The following CEPT1 variants were observed in gnomAD, a reference collection of about 807,000 sequenced individuals.
CEPT1 encodes the protein choline/ethanolaminephosphotransferase 1.
CEPT1 carries 7 observed loss-of-function variants against 42.6 expected under a neutral mutation model. That is an observed-to-expected ratio of 0.16 (90% confidence interval 0.09 to 0.31). The LOEUF is 0.31. Among genes scored for constraint, CEPT1 ranks in the 10% least tolerant of loss-of-function variants. CEPT1 has a pLI of 1.00. For synonymous variants in CEPT1, 171 were observed against 171.9 expected (o/e 0.99, Z 0.04); for missense variants, 306 against 502.1 (o/e 0.61, Z 3.73).
At chr1:111,176,121 A>C (rs182210991) in intron 5 of CEPT1, among the ~76,000 whole-genome samples, 147 of 152,230 alleles carry the variant, frequency 9.7e-4, no homozygotes, top group African/African-American at 3.4e-3. Context: ...GTGAAGGGGG[A>C]GGAGATGAAG....
At chr1:111,140,185 G>C (rs1301947084), upstream of CEPT1, 1 of 152,258 alleles carries the variant, frequency 6.6e-6, no homozygotes, top group Non-Finnish European at 1.5e-5. Context: ...GGCGCTGCTC[G>C]TTCAAACCTT....
intron 4 of CEPT1, among the ~76,000 whole-genome samples, chr1:111,162,912 G>C (rs958157575): frequency 1.3e-5 from 2 of 152,276 alleles, no homozygotes; most frequent in Non-Finnish European, 2.9e-5. Context: ...AGAAGCATTG[G>C]TTAGAGGAGA....
At chr1:111,167,133 A>T (rs1656182756) in intron 4 of CEPT1, 1 of 985,326 alleles carries the variant, frequency 1.0e-6, no homozygotes, top group Non-Finnish European at 1.2e-6. Context: ...CCCAGATCAT[A>T]ATTATAATAT....
chr1:111,182,548 G>GT, intron 6 of CEPT1: 1 of 569,922 alleles, frequency 1.8e-6, no homozygotes, highest in Non-Finnish European at 3.0e-6. Flanking sequence ...TTATTCACAT[G>GT]TTTTTTAAAG....
chr1:111,149,763 C>T (rs1655173425), intron 2 of CEPT1, among the ~76,000 whole-genome samples: 2 of 152,168 alleles, frequency 1.3e-5, no homozygotes, highest in Admixed American at 6.5e-5. Flanking sequence ...AGTAGAACAA[C>T]AGGGAGGTGG....
At chr1:111,178,095 T>C (rs1656778010) in intron 5 of CEPT1, 1 of 152,228 alleles carries the variant, frequency 6.6e-6, no homozygotes, top group Admixed American at 6.5e-5. Flanking sequence ...ATTCTGTTAA[T>C]ACAGGAACAA....
chr1:111,140,514 C>G (rs1042939661), intron 1 of CEPT1: 1 of 151,902 alleles, frequency 6.6e-6, no homozygotes, highest in Non-Finnish European at 1.5e-5. Context: ...CCCCCTTGCC[C>G]CTCTGTGGAG....
rs1657134963 is a variant in CEPT1, at chr1:111,184,131, ACTTTCAGGAAG to A, written c.1132-56_1132-46del. Reference sequence around the variant, plus strand: ...GAGAGAACAGAGTCCAGTCCTCTTTACTTTCAGGAAGCTTAGGGAGAGCCTAAACGGGTGCT... The same window carrying A: ...GAGAGAACAGAGTCCAGTCCTCTTTACTTAGGGAGAGCCTAAACGGGTGCT... On this transcript the variant is annotated intron_variant, in intron 8 of 8. Transcript: ENST00000357172. The A allele has an allele frequency of 8.9e-6, 14 of 1,575,026 alleles. 1 individual carries two copies. The South Asian group carries it at 1.4e-4, about 16-fold the overall frequency.
intron 1 of CEPT1, among the ~76,000 whole-genome samples, chr1:111,145,788 C>G (rs958342251): frequency 1.3e-5 from 2 of 152,248 alleles, no homozygotes; most frequent in Admixed American, 1.3e-4. Flanking sequence ...ACAGCTGCCT[C>G]TGGGCCTTGG....
At position 111,184,264 on chromosome 1, in the gene CEPT1, A is replaced by G. The variant is rs552998746; in HGVS notation, c.1205A>G (p.His402Arg). 15 of 1,613,134 alleles carry G rather than the reference A, an allele frequency of 9.3e-6. No individual in the cohort carries two copies. The African/African-American group carries it at 1.7e-4, about 19-fold the overall frequency. ...CAGATTGCGTCTCACCTGCACATAC[A>G]TGTCTTCAGAATCAAGGTCTCTACA... ...CNQIASHLHI[H>R]VFRIKVSTAH... Residue 402 changes from histidine (H) to arginine (R), a missense_variant, in exon 9 of 9, where the codon CAT becomes CGT. By Grantham distance (29) the His-to-Arg change is conservative. Around this residue, in one of 2 missense-constraint regions of CEPT1, gnomAD observed 253 missense variants for 447.3 expected, o/e 0.57. Transcript: ENST00000357172.
intron 5 of CEPT1, among the ~76,000 whole-genome samples, chr1:111,175,363 T>C (rs1208647959): frequency 6.6e-6 from 1 of 152,240 alleles, no homozygotes; most frequent in Non-Finnish European, 1.5e-5. Flanking sequence ...AAGTTAACTC[T>C]GGTTCCAAAA....
intron 2 of CEPT1, among the ~76,000 whole-genome samples, chr1:111,149,357 G>T (rs939258601): frequency 6.7e-6 from 1 of 148,296 alleles, no homozygotes. Context: ...CCACCTCCAG[G>T]GTTTAAGCGA....
At chr1:111,159,128 G>A (rs1655739933) in intron 2 of CEPT1, among the ~76,000 whole-genome samples, 1 of 149,388 alleles carries the variant, frequency 6.7e-6, no homozygotes, top group Admixed American at 6.6e-5. Flanking sequence ...TTTTAGCCGG[G>A]ATGGTCTCGA....
intron 5 of CEPT1, among the ~76,000 whole-genome samples, chr1:111,177,893 AGC>A (rs1375520834): frequency 9.2e-5 from 14 of 152,292 alleles, no homozygotes; most frequent in African/African-American, 3.1e-4. Flanking sequence ...TCCTACTGTT[AGC>A]ATCATTAAAC....
chr1:111,158,417 A>G (rs1387166795), intron 2 of CEPT1, among the ~76,000 whole-genome samples: 3 of 152,196 alleles, frequency 2.0e-5, no homozygotes, highest in Non-Finnish European at 2.9e-5. Context: ...TTGGGAAAAG[A>G]GAAGCTATTC....
At chr1:111,154,041 G>A (rs1345625255) in intron 2 of CEPT1, among the ~76,000 whole-genome samples, 1 of 151,832 alleles carries the variant, frequency 6.6e-6, no homozygotes, top group African/African-American at 2.4e-5. Context: ...GATTGCTTTG[G>A]GTAGTATGGC....
intron 2 of CEPT1, among the ~76,000 whole-genome samples, chr1:111,148,840 A>C (rs1213435655): frequency 6.6e-6 from 1 of 152,232 alleles, no homozygotes; most frequent in Non-Finnish European, 1.5e-5. Context: ...AGAGAATTAC[A>C]AGCATTTGTT....
At chr1:111,142,922 A>T (rs1484359902) in intron 1 of CEPT1, among the ~76,000 whole-genome samples, 1 of 152,254 alleles carries the variant, frequency 6.6e-6, no homozygotes, top group Non-Finnish European at 1.5e-5. Context: ...CAATAGCTAT[A>T]GGACTGTGAC....
At chr1:111,164,817 G>GT (rs1357854074) in intron 4 of CEPT1, among the ~76,000 whole-genome samples, 1 of 151,834 alleles carries the variant, frequency 6.6e-6, no homozygotes, top group Non-Finnish European at 1.5e-5. Context: ...TAGAGATGGG[G>GT]TTTCACCGTG....
Sources: allele counts gnomAD v4.1 joint callset (sites outside exome capture counted in the v4.1 genomes callset), GRCh38; gene constraint gnomAD v4.1.1; regional missense constraint gnomAD v4.1.1; transcripts MANE v1.5; gene names NCBI Gene and HGNC (gene_info 2026-07-23, HGNC 2026-07-21).